Variants in SPECC1 observed in about 807,000 individuals in gnomAD.
SPECC1 encodes cytospin-B.
SPECC1 carries 62 observed loss-of-function variants against 104.1 expected under a neutral mutation model. That is an observed-to-expected ratio of 0.60 (90% CI 0.49 to 0.74). The LOEUF is 0.74. Among genes scored for constraint, SPECC1 ranks in the 30% least tolerant of loss-of-function variants. SPECC1 has a pLI of 0.00. For missense variants in SPECC1, 1,306 were observed against 1,310.5 expected (o/e 1.00, Z 0.05); for synonymous variants, 513 against 501.6 (o/e 1.02, Z -0.30).
intron 1 of SPECC1, among the ~76,000 whole-genome samples, chr17:20,063,288 G>C (rs1466337299): frequency 6.6e-6 from 1 of 152,106 alleles, no homozygotes; most frequent in East Asian, 1.9e-4. Context: ...CTGTTGGACT[G>C]TTTGTTTCTT....
At chr17:20,139,897 A>G (rs2030552532) in intron 3 of SPECC1, among the ~76,000 whole-genome samples, 1 of 152,066 alleles carries the variant, frequency 6.6e-6, no homozygotes, top group South Asian at 2.1e-4. Flanking sequence ...GCTGGTCTTG[A>G]ACTCCTGACG....
chr17:20,016,199 C>T (rs929668692), intron 1 of SPECC1, among the ~76,000 whole-genome samples: 5 of 130,476 alleles, frequency 3.8e-5, no homozygotes, highest in Non-Finnish European at 4.7e-5. Context: ...GTCTGGGCGA[C>T]AGAGAGCGAC....
chr17:20,206,422 T>C (rs568784700), intron 4 of SPECC1, among the ~76,000 whole-genome samples: 3 of 152,224 alleles, frequency 2.0e-5, no homozygotes, highest in Non-Finnish European at 4.4e-5. Flanking sequence ...GATATATGTG[T>C]GTGTATGTGT....
intron 3 of SPECC1, among the ~76,000 whole-genome samples, chr17:20,182,373 C>T (rs2034969285): frequency 6.6e-6 from 1 of 152,092 alleles, no homozygotes. Context: ...TCATTGGCCT[C>T]CCAAAGTGCT....
chr17:20,122,617 C>T (rs536166407), intron 3 of SPECC1, among the ~76,000 whole-genome samples: 25 of 152,272 alleles, frequency 1.6e-4, no homozygotes, highest in Non-Finnish European at 1.8e-4. Flanking sequence ...AAACTCTGTC[C>T]CCATTAAACA....
Position 20,227,504 on chromosome 17 carries a change from CAG to C in SPECC1, c.1960_1961del (p.Ser654Ter), listed in dbSNP as rs1326588941. On this transcript the variant is annotated frameshift_variant, in exon 5 of 15. Transcript: ENST00000395527. LOFTEE classifies it high-confidence loss of function. Reference sequence around the variant, plus strand: ...AGCCTAAAGCTGCAAGAAAAAGCATCAGAGAGTGATGCAGAGATCAAAGACAT... The same window carrying C: ...AGCCTAAAGCTGCAAGAAAAAGCATCAGAGTGATGCAGAGATCAAAGACAT... The C allele has an allele frequency of 1.2e-6, 2 of 1,613,560 alleles. No homozygotes were observed. The highest frequency in any genetic ancestry group is 8.5e-7 in the Non-Finnish European group (1 of 1,179,894).
rs541176954 is a variant in SPECC1 at position 20,016,002 on chromosome 17, G to A, written c.-22+6578G>A. ...CGAGGCGGATGGATCACGAGGTCAG[G>A]AGATTGAGACCATCTGGCTAACATG... is the stretch of plus-strand genomic sequence containing the variant. On this transcript the variant is annotated intron_variant, in intron 1 of 14. Transcript: ENST00000395527. Among the ~76,000 whole-genome samples the A allele has an allele frequency of 2.7e-5, 4 of 150,744 alleles. No homozygotes were observed. In the South Asian group the frequency reaches 6.3e-4, roughly 24 times the overall value.
At chr17:20,148,558 G>A (rs1385515386) in intron 3 of SPECC1, among the ~76,000 whole-genome samples, 8 of 113,468 alleles carry the variant, frequency 7.1e-5, no homozygotes, top group South Asian at 5.1e-4. Flanking sequence ...AAAAAAAAAA[G>A]GACAAGCAAT....
chr17:20,049,721 A>G (rs1202193893), intron 1 of SPECC1, among the ~76,000 whole-genome samples: 1 of 152,082 alleles, frequency 6.6e-6, no homozygotes, highest in African/African-American at 2.4e-5. Context: ...CAGGGTTTTT[A>G]TATTATAGGC....
chr17:20,258,467 C>T (rs2039911051), intron 11 of SPECC1, among the ~76,000 whole-genome samples: 1 of 152,178 alleles, frequency 6.6e-6, no homozygotes, highest in Admixed American at 6.5e-5. Context: ...TTCCCTGCTT[C>T]TCTGTGTTGG....
chr17:20,219,964 T>G (rs780477144), intron 4 of SPECC1, among the ~76,000 whole-genome samples: 4 of 152,186 alleles, frequency 2.6e-5, no homozygotes, highest in Non-Finnish European at 4.4e-5. Flanking sequence ...TCTTGGCACC[T>G]TTGTCGAAAA....
intron 12 of SPECC1, among the ~76,000 whole-genome samples, chr17:20,289,832 T>C (rs1237120184): frequency 1.3e-5 from 2 of 152,144 alleles, no homozygotes; most frequent in African/African-American, 2.4e-5. Flanking sequence ...AGGAGTATAA[T>C]GTTCTTGGAG....
intron 13 of SPECC1, among the ~76,000 whole-genome samples, chr17:20,305,267 A>G (rs1056974469): frequency 4.6e-5 from 7 of 152,160 alleles, no homozygotes; most frequent in African/African-American, 1.7e-4. Context: ...ACAATGTACA[A>G]CTTGACCAGG....
At chr17:20,093,726 GTTTTTTGT>G (rs1431728098) in intron 1 of SPECC1, among the ~76,000 whole-genome samples, 12 of 143,474 alleles carry the variant, frequency 8.4e-5, no homozygotes, top group African/African-American at 1.3e-4. Flanking sequence ...TTTTGTTTTT[GTTTTTTGT>G]TTTTTTTTTT....
chr17:20,018,679 A>G (rs761945853), intron 1 of SPECC1, among the ~76,000 whole-genome samples: 1 of 152,248 alleles, frequency 6.6e-6, no homozygotes, highest in Non-Finnish European at 1.5e-5. Flanking sequence ...GTGAAAGGAT[A>G]CAAAGCACAA....
At chr17:20,213,828 A>G (rs994024234) in intron 4 of SPECC1, among the ~76,000 whole-genome samples, 3 of 152,170 alleles carry the variant, frequency 2.0e-5, no homozygotes, top group African/African-American at 7.2e-5. Flanking sequence ...TGGAGACACC[A>G]GCCAAGCAGT....
At chr17:20,060,965 C>T (rs2046164393) in intron 1 of SPECC1, among the ~76,000 whole-genome samples, 1 of 152,212 alleles carries the variant, frequency 6.6e-6, no homozygotes, top group Non-Finnish European at 1.5e-5. Flanking sequence ...TGCAAGTATA[C>T]ATTTCAAACT....
At chr17:20,201,085 T>C (rs1465473197) in intron 3 of SPECC1, among the ~76,000 whole-genome samples, 1 of 152,120 alleles carries the variant, frequency 6.6e-6, no homozygotes, top group Non-Finnish European at 1.5e-5. Context: ...GGTGTTAAAC[T>C]GTAGCTGGAA....
chr17:20,018,866 A>G (rs1418136815), intron 1 of SPECC1, among the ~76,000 whole-genome samples: 1 of 152,188 alleles, frequency 6.6e-6, no homozygotes, highest in African/African-American at 2.4e-5. Context: ...CCCAACACCC[A>G]GGGTTTTTAT....
Sources: allele counts gnomAD v4.1 joint callset (sites outside exome capture counted in the v4.1 genomes callset), GRCh38; gene constraint gnomAD v4.1.1; transcripts MANE v1.5; gene names NCBI Gene and HGNC (gene_info 2026-07-23, HGNC 2026-07-21).